TACC2: variants seen among roughly 807,000 people sequenced by gnomAD.
The protein encoded by TACC2 is transforming acidic coiled-coil-containing protein 2.
TACC2 carries 137 observed loss-of-function variants against 227.3 expected under a neutral mutation model. The observed-to-expected ratio is 0.60, with a 90% CI of 0.52 to 0.69. The LOEUF is 0.69. Among genes scored for constraint, TACC2 ranks in the 30% least tolerant of loss-of-function variants. The pLI is 0.00. For missense variants in TACC2, 3,470 were observed against 3,694.4 expected, an observed-to-expected ratio of 0.94 and a Z score of 1.57; for synonymous variants, 1,523 against 1,487.5, an observed-to-expected ratio of 1.02 and a Z score of -0.55.
intron 3 of TACC2, among the ~76,000 whole-genome samples, chr10:122,056,018 C>T (rs558050162): frequency 6.6e-6 from 1 of 152,314 alleles, no homozygotes; most frequent in South Asian, 2.1e-4. Context: ...AGAGTGGAAA[C>T]TCAACAGCCT....
chr10:122,173,784 C>T (rs2093587499), intron 7 of TACC2, among the ~76,000 whole-genome samples: 1 of 152,226 alleles, frequency 6.6e-6, no homozygotes, highest in Admixed American at 6.5e-5. Flanking sequence ...TCCTGCCCAG[C>T]CTTTCTGGTA....
Position 122,209,367 on chromosome 10 carries a change from G to A in TACC2, c.5972-1030G>A, listed in dbSNP as rs144301060. On this transcript the variant is annotated intron_variant, in intron 8 of 22. Coordinates refer to ENST00000369005, the MANE Select transcript of TACC2 (RefSeq NM_206862.4). The surrounding 1 kb of genome is among the most constrained non-coding windows in gnomAD (Gnocchi z 4.5). ...GCCGTGGCTAGTATGAATATTTATG[G>A]AAGCCTCCGTATGCCTTCCTGCAGG... Among the ~76,000 whole-genome samples the A allele has an allele frequency of 6.6e-6, 1 of 152,302 alleles. No homozygotes were observed. The highest frequency in any genetic ancestry group is 2.4e-5 in the African/African-American group (1 of 41,568).
chr10:122,205,552 C>T lies in TACC2; in HGVS notation c.5972-4845C>T, dbSNP rs569608433. ...TGTGGCCAAATACTAAAGTGTTACC[C>T]ACTGGAGGTTTAAGAATGAGGATAG... On this transcript the variant is annotated intron_variant, in intron 8 of 22. Transcript: ENST00000369005. The surrounding 1 kb of genome is among the most constrained non-coding windows in gnomAD (Gnocchi z 4.5). Among the ~76,000 whole-genome samples, 3 of 152,332 alleles carry T rather than the reference C, an allele frequency of 2.0e-5. No individual in the cohort carries two copies. Among genetic ancestry groups the T allele is most frequent in the Admixed American group, 2.0e-4 (3 of 15,302 alleles).
In TACC2 at chr10:122,194,397, C is replaced by T. The variant is rs1391841597; in HGVS notation, c.5835-643C>T. 6.6e-6 allele frequency among the ~76,000 whole-genome samples: 1 copy of T among 152,148 alleles called. No homozygotes were observed. The highest frequency in any genetic ancestry group is 6.5e-5 in the Admixed American group (1 of 15,278). On this transcript the variant is annotated intron_variant, in intron 7 of 22. Transcript: ENST00000369005. This position sits in a 1 kb window ranked among gnomAD's most constrained non-coding sequence, Gnocchi z 4.4. ...TTTTCACTGTGTCGGGGTTGGTGGCCGTGCTTTGTGTCTTGGTCTGATGCA... is the reference window on the plus strand; with the variant it reads ...TTTTCACTGTGTCGGGGTTGGTGGCTGTGCTTTGTGTCTTGGTCTGATGCA...
rs774186447 is a variant in TACC2 at position 122,085,083 on chromosome 10, C to T, written c.2583C>T (p.Ser861=). 7 of 1,614,168 alleles carry T rather than the reference C, an allele frequency of 4.3e-6. No individual in the cohort carries two copies. Among genetic ancestry groups the T allele is most frequent in the Non-Finnish European group, 5.9e-6 (7 of 1,180,038 alleles). Residue 861 remains serine (S), a synonymous_variant, in exon 4 of 23, where the codon AGC becomes AGT. Coordinates refer to ENST00000369005, the MANE Select transcript of TACC2 (RefSeq NM_206862.4). ...AAAATGGGAAAGAGACTTCTCCAAG[C>T]CATCCAGGTTTTAAGGACCAGGGAG... is the stretch of plus-strand genomic sequence containing the variant. ...PPENGKETSP[S]HPGFKDQGAD...
In TACC2 at chr10:122,207,274, G is replaced by A. The variant is rs574641543; in HGVS notation, c.5972-3123G>A. On this transcript the variant is annotated intron_variant, in intron 8 of 22. Coordinates refer to ENST00000369005, the MANE Select transcript of TACC2 (RefSeq NM_206862.4). Reference sequence around the variant, plus strand: ...AGATCGCACCACTGCACTCCAGCCTGGGTGATGGAATGGGACTATTTCAAA... The same window carrying A: ...AGATCGCACCACTGCACTCCAGCCTAGGTGATGGAATGGGACTATTTCAAA... 5.9e-5 allele frequency among the ~76,000 whole-genome samples: 9 copies of A among 151,912 alleles called. No homozygotes were observed. In the East Asian group the frequency reaches 1.4e-3, roughly 23 times the overall value.
At chr10:121,999,248 T>G (rs1953972113) in intron 1 of TACC2, among the ~76,000 whole-genome samples, 1 of 152,042 alleles carries the variant, frequency 6.6e-6, no homozygotes, top group Non-Finnish European at 1.5e-5. Flanking sequence ...AACTCGTGAT[T>G]GGAATGGCCA....
intron 5 of TACC2, among the ~76,000 whole-genome samples, chr10:122,122,576 C>T (rs1225264984): frequency 2.0e-5 from 3 of 150,854 alleles, no homozygotes; most frequent in Admixed American, 6.6e-5. Flanking sequence ...GTTCTCCCTG[C>T]GTGGGCTCCA....
chr10:122,175,298 A>G (rs1592938008), intron 7 of TACC2, among the ~76,000 whole-genome samples: 2 of 152,312 alleles, frequency 1.3e-5, no homozygotes, highest in South Asian at 4.1e-4. Flanking sequence ...GTGAAGAAAA[A>G]CACTGAAACA....
chr10:122,054,815 A>G (rs1194749092), intron 3 of TACC2, among the ~76,000 whole-genome samples: 1 of 152,190 alleles, frequency 6.6e-6, no homozygotes, highest in Non-Finnish European at 1.5e-5. Flanking sequence ...CACAAGACCA[A>G]ACAGATCTCC....
intron 7 of TACC2, among the ~76,000 whole-genome samples, chr10:122,148,339 G>C (rs1335936576): frequency 2.6e-5 from 4 of 152,132 alleles, no homozygotes; most frequent in Admixed American, 2.0e-4. Flanking sequence ...CCTGACCTCA[G>C]GTGATCCGAC....
chr10:122,065,605 A>G (rs144381590), intron 3 of TACC2, among the ~76,000 whole-genome samples: 393 of 152,270 alleles, frequency 2.6e-3, no homozygotes, highest in African/African-American at 9.2e-3. Flanking sequence ...GATGGTGTTA[A>G]AAAAGTGTTA....
chr10:122,100,346 C>T (rs2081997845), intron 5 of TACC2, among the ~76,000 whole-genome samples: 2 of 152,158 alleles, frequency 1.3e-5, no homozygotes, highest in South Asian at 4.2e-4. Context: ...TAACTCTTCC[C>T]TGCTCCTTTC....
At chr10:122,146,673 T>G (rs1440868656) in intron 7 of TACC2, among the ~76,000 whole-genome samples, 1 of 152,124 alleles carries the variant, frequency 6.6e-6, no homozygotes, top group African/African-American at 2.4e-5. Flanking sequence ...CTTCTCAGAC[T>G]CCATAACTGT....
At chr10:122,203,303 A>G (rs2094946312) in intron 8 of TACC2, among the ~76,000 whole-genome samples, 1 of 132,662 alleles carries the variant, frequency 7.5e-6, no homozygotes, top group African/African-American at 3.7e-5. Flanking sequence ...CTCACTTCCC[A>G]GTAGGGGCGG....
intron 3 of TACC2, among the ~76,000 whole-genome samples, chr10:122,080,925 T>A (rs1211751568): frequency 6.6e-6 from 1 of 152,232 alleles, no homozygotes; most frequent in Admixed American, 6.5e-5. Context: ...AATTTTCCTT[T>A]GATATTTCCC....
chr10:122,239,407 G>A (rs1376405701), intron 18 of TACC2, among the ~76,000 whole-genome samples: 1 of 152,180 alleles, frequency 6.6e-6, no homozygotes, highest in East Asian at 1.9e-4. Context: ...CTAGGTCATC[G>A]TAGGATCTTC....
rs77224786 is a variant in TACC2 at position 122,141,686 on chromosome 10, C to T, written c.5700-1886C>T. 1.3e-5 allele frequency among the ~76,000 whole-genome samples: 2 copies of T among 152,056 alleles called. No homozygotes were observed. The highest frequency in any genetic ancestry group is 1.9e-4 in the East Asian group (1 of 5,176). On this transcript the variant is annotated intron_variant, in intron 6 of 22. Transcript: ENST00000369005. The surrounding 1 kb of genome is among the most constrained non-coding windows in gnomAD (Gnocchi z 4.3). ...CACAGATCTAAGGTAGCATCTCCCC[C>T]CCACCCGCCACTGTTTTCTAAGACA... is the stretch of plus-strand genomic sequence containing the variant.
chr10:122,226,612 T>C (rs201277532), intron 13 of TACC2, 131 bp downstream of exon 13: 1 of 664,960 alleles, frequency 1.5e-6, no homozygotes, highest in East Asian at 2.8e-5. Context: ...ATATTTTTTT[T>C]TTTTTTAATA....
Sources: gnomAD v4.1 joint callset for allele counts (sites outside exome capture counted in the v4.1 genomes callset) on GRCh38, gnomAD v4.1.1 for gene constraint, Gnocchi (gnomAD v3.1) non-coding constraint, MANE v1.5 for transcripts, NCBI Gene and HGNC (gene_info 2026-07-23, HGNC 2026-07-21) for gene names.